The following SNED1 variants were observed in gnomAD, a reference collection of about 807,000 sequenced individuals.
SNED1 encodes the protein sushi, nidogen and EGF-like domain-containing protein 1.
Under a neutral mutation model 166.7 loss-of-function variants are expected in SNED1, and 81 were observed. The observed-to-expected ratio is 0.49, with a 90% confidence interval of 0.41 to 0.58. The LOEUF is 0.58. Among genes scored for constraint, SNED1 ranks in the 20% least tolerant of loss-of-function variants. The pLI, the probability that SNED1 is intolerant of heterozygous loss-of-function variation, is 0.00. For missense variants in SNED1, 1,604 were observed against 2,000.2 expected (o/e 0.80, Z 3.78); for synonymous variants, 762 against 822.0 (o/e 0.93, Z 1.25).
At chr2:241,086,254 T>TAAG (rs2063569921) in intron 29 of SNED1, among the ~76,000 whole-genome samples, 2 of 152,248 alleles carry the variant, frequency 1.3e-5, no homozygotes, top group African/African-American at 2.4e-5. Flanking sequence ...AGTTCTTCTT[T>TAAG]GCCTTGTGGG....
chr2:241,039,891 G>A (rs1385492631), intron 6 of SNED1, among the ~76,000 whole-genome samples, 184 bp from the exon 7 acceptor site: 2 of 152,100 alleles, frequency 1.3e-5, no homozygotes, highest in Non-Finnish European at 2.9e-5. Context: ...GCTTCGGGTG[G>A]CCAGTCAGGA....
At chr2:241,045,344 A>G (rs1391615379) in intron 8 of SNED1, among the ~76,000 whole-genome samples, 1 of 152,222 alleles carries the variant, frequency 6.6e-6, no homozygotes. Context: ...TTAGAAAACC[A>G]AAACAATTTT....
In SNED1 at chr2:241,068,820, A is replaced by C. The variant is rs1242346480; in HGVS notation, c.3195-91A>C. The C allele has an allele frequency of 3.2e-5, 28 of 864,990 alleles. No individual in the cohort carries two copies. The East Asian group carries it at 7.6e-4, about 24-fold the overall frequency. 53.6% of individuals were successfully genotyped at this position (864,990 alleles called of 1,614,324 possible). ...GCAGCAGGATGACCTCCCCGCAGTCACCTCCTGCCTGGGGGAGCTGCGGTC... is the reference window on the plus strand; with the variant it reads ...GCAGCAGGATGACCTCCCCGCAGTCCCCTCCTGCCTGGGGGAGCTGCGGTC... On this transcript the variant is annotated intron_variant, in intron 22 of 31. Coordinates refer to ENST00000310397, the MANE Select transcript of SNED1 (RefSeq NM_001080437.3). The surrounding 1 kb of genome is among the most constrained non-coding windows in gnomAD (Gnocchi z 5.3).
At chr2:241,063,933 C>A in intron 18 of SNED1, 79 bp from the exon 19 acceptor site, 1 of 1,120,572 alleles carries the variant, frequency 8.9e-7, no homozygotes, top group Non-Finnish European at 1.3e-6. Context: ...CTCCTCCTTT[C>A]CCTTCTTCCC....
At chr2:241,040,247 C>G in intron 7 of SNED1, 53 bp from the exon 8 acceptor site, 1 of 1,570,616 alleles carries the variant, frequency 6.4e-7, no homozygotes. Flanking sequence ...GTGCTGGGCA[C>G]AGGGTGGTTG....
intron 1 of SNED1, among the ~76,000 whole-genome samples, chr2:241,027,992 C>T (rs2061033369): frequency 6.6e-6 from 1 of 152,092 alleles, no homozygotes; most frequent in Non-Finnish European, 1.5e-5. Context: ...CTCGGCCTCC[C>T]AGAGTGATGG....
intron 11 of SNED1, among the ~76,000 whole-genome samples, chr2:241,049,458 A>G (rs573624586): frequency 6.6e-6 from 1 of 152,378 alleles, no homozygotes; most frequent in South Asian, 2.1e-4. Context: ...ATGTATCACT[A>G]CTATACGTTT....
chr2:241,088,537 G>A (rs2063702554), intron 31 of SNED1, 135 bp downstream of exon 31: 1 of 734,206 alleles, frequency 1.4e-6, no homozygotes, highest in Non-Finnish European at 2.4e-6. Context: ...CTGTGCTGCT[G>A]TGTTACAGAC....
At chr2:241,031,638 A>G (rs1322760643) in intron 2 of SNED1, among the ~76,000 whole-genome samples, 1 of 152,080 alleles carries the variant, frequency 6.6e-6, no homozygotes, top group Non-Finnish European at 1.5e-5. Context: ...GCATCTCCTC[A>G]TTGCGCCTCT....
chr2:241,036,106 G>A (rs1451085027), intron 4 of SNED1, among the ~76,000 whole-genome samples: 1 of 141,788 alleles, frequency 7.1e-6, no homozygotes, highest in African/African-American at 2.6e-5. Context: ...GTGGGGGTTG[G>A]GGAGTAGAGG....
At chr2:241,089,640 G>A (rs1303142703) in intron 31 of SNED1, among the ~76,000 whole-genome samples, 3 of 152,146 alleles carry the variant, frequency 2.0e-5, no homozygotes, top group Non-Finnish European at 4.4e-5. Flanking sequence ...ATCACTTCCC[G>A]CTCCCACCTC....
At chr2:241,029,172 A>G (rs1317756845) in intron 1 of SNED1, among the ~76,000 whole-genome samples, 1 of 152,244 alleles carries the variant, frequency 6.6e-6, no homozygotes, top group African/African-American at 2.4e-5. Flanking sequence ...CCAGCAACTC[A>G]TTCACCTGGG....
intron 1 of SNED1, chr2:241,010,330 AC>A (rs2060352588): frequency 6.6e-6 from 1 of 152,214 alleles, no homozygotes; most frequent in Non-Finnish European, 1.5e-5. Flanking sequence ...GGCTCCCCAG[AC>A]GCTTCAGCTC....
chr2:241,051,367 A>T lies in SNED1; in HGVS notation c.1736-377A>T, dbSNP rs1034839639. 1 of 201,602 alleles carries T rather than the reference A, an allele frequency of 5.0e-6. No homozygotes were observed. Among genetic ancestry groups the T allele is most frequent in the Non-Finnish European group, 9.9e-6 (1 of 101,046 alleles). The allele number at this position is 201,602 out of a possible 1,614,324, so 12.5% of individuals were successfully genotyped here. ...ATTGACTGCTGGGGACCCTGATGTC[A>T]CGGCAGATGAGACTCAGCTGCTTCC... On this transcript the variant is annotated intron_variant, in intron 12 of 31. Transcript: ENST00000310397. The surrounding 1 kb of genome is among the most constrained non-coding windows in gnomAD (Gnocchi z 4.7).
intron 26 of SNED1, chr2:241,072,647 G>A (rs963868363): frequency 3.1e-5 from 7 of 225,026 alleles, no homozygotes; most frequent in East Asian, 2.6e-4. Context: ...GGTCCCTGCC[G>A]CACGGTGAGC....
intron 17 of SNED1, 101 bp from the exon 18 acceptor site, chr2:241,063,486 A>G (rs1335833936): frequency 1.3e-6 from 1 of 791,932 alleles, no homozygotes; most frequent in Admixed American, 2.0e-5. Context: ...CCCAGCTGGG[A>G]AAGGGGTAAC....
rs1475905421 is a variant in SNED1 at position 241,018,995 on chromosome 2, A to G, written c.214-11289A>G. 1.3e-5 allele frequency among the ~76,000 whole-genome samples: 2 copies of G among 152,180 alleles called. No individual in the cohort carries two copies. Among genetic ancestry groups the G allele is most frequent in the Non-Finnish European group, 2.9e-5 (2 of 68,028 alleles). On this transcript the variant is annotated intron_variant, in intron 1 of 31. Coordinates refer to ENST00000310397, the MANE Select transcript of SNED1 (RefSeq NM_001080437.3). The surrounding 1 kb of genome is among the most constrained non-coding windows in gnomAD (Gnocchi z 5.4). ...CAGAGGCCCCACATTTTGTCCTGTC[A>G]TTACCCAAAGGGTGGCCAAGCGGAG... is the stretch of plus-strand genomic sequence containing the variant.
intron 1 of SNED1, among the ~76,000 whole-genome samples, chr2:241,012,816 T>G (rs1177956656): frequency 8.8e-6 from 1 of 113,126 alleles, no homozygotes; most frequent in African/African-American, 5.3e-5. Flanking sequence ...AGTACTGTGT[T>G]TTTTTTTTCT....
chr2:241,062,529 G>A (rs2062268428), intron 16 of SNED1, among the ~76,000 whole-genome samples: 1 of 152,118 alleles, frequency 6.6e-6, no homozygotes, highest in African/African-American at 2.4e-5. Context: ...CTGAACCACT[G>A]GAATTAAGTC....
Sources: allele counts gnomAD v4.1 joint callset (sites outside exome capture counted in the v4.1 genomes callset), GRCh38; gene constraint gnomAD v4.1.1; non-coding constraint Gnocchi (gnomAD v3.1); transcripts MANE v1.5; gene names NCBI Gene and HGNC (gene_info 2026-07-23, HGNC 2026-07-21).